The following KLF12 variants were observed in gnomAD, a reference collection of about 807,000 sequenced individuals.
KLF12 encodes the protein KLF transcription factor 12, also known as Krueppel-like factor 12.
KLF12 carries 9 observed loss-of-function variants against 37.8 expected under a neutral mutation model. The ratio of observed to expected loss-of-function variants is 0.24; its 90% CI spans 0.14 to 0.42. The LOEUF (loss-of-function observed/expected upper bound fraction) is 0.42. Ranked by LOEUF, KLF12 falls within the 10% of genes least tolerant of loss-of-function variation. The pLI is 1.00. For synonymous variants in KLF12, 208 were observed against 202.1 expected, an observed-to-expected ratio of 1.03 and a Z score of -0.25; for missense variants, 411 against 516.0, an observed-to-expected ratio of 0.80 and a Z score of 1.97.
Position 73,805,610 on chromosome 13 carries a change from AAGGGAGGGAGGGAGGG to A in KLF12, c.806+7526_806+7541del, listed in dbSNP as rs1175434136. On this transcript the variant is annotated intron_variant, in intron 5 of 7. Coordinates refer to ENST00000377669, the MANE Select transcript of KLF12 (RefSeq NM_007249.5). ...GGGCAACAGAGGCACTGTCAGAAGGAAGGGAGGGAGGGAGGGAGGGAGGGAGGGAGGGAGGGAGGGA... is the reference window on the plus strand; with the variant it reads ...GGGCAACAGAGGCACTGTCAGAAGGAAGGGAGGGAGGGAGGGAGGGAGGGA... 3.9e-3 allele frequency among the ~76,000 whole-genome samples: 261 copies of A among 66,960 alleles called. 1 individual carries two copies. Among genetic ancestry groups the A allele is most frequent in the Middle Eastern group, 7.6e-3 (1 of 132 alleles). The allele number at this position is 66,960 out of a possible 152,430, so 43.9% of individuals were successfully genotyped here.
intron 2 of KLF12, among the ~76,000 whole-genome samples, chr13:73,946,215 T>C (rs952892591): frequency 6.6e-6 from 1 of 152,082 alleles, no homozygotes. Flanking sequence ...GAAGATGCCT[T>C]ATAAGGAAGG....
intron 7 of KLF12, among the ~76,000 whole-genome samples, chr13:73,710,823 C>T (rs1875341867): frequency 6.6e-6 from 1 of 151,522 alleles, no homozygotes; most frequent in African/African-American, 2.4e-5. Flanking sequence ...CACTTTAAAT[C>T]AAAAGCTATA....
At chr13:73,949,047 T>G (rs1196424632) in intron 2 of KLF12, among the ~76,000 whole-genome samples, 1 of 152,206 alleles carries the variant, frequency 6.6e-6, no homozygotes, top group Non-Finnish European at 1.5e-5. Flanking sequence ...AAGAGGTTGA[T>G]GCTGTATTAT....
chr13:74,176,641 G>C, the KLF12 span, among the ~76,000 whole-genome samples: 1 of 152,030 alleles, frequency 6.6e-6, no homozygotes, highest in African/African-American at 2.4e-5. Context: ...TTTTTTGTCT[G>C]CATTGAGACA....
intron 2 of KLF12, among the ~76,000 whole-genome samples, chr13:73,949,437 T>C (rs1342064143): frequency 6.6e-6 from 1 of 152,172 alleles, no homozygotes; most frequent in Non-Finnish European, 1.5e-5. Flanking sequence ...ATATTTTTTT[T>C]CCCTTTAAGT....
rs562131059 is a variant in KLF12, at chr13:73,918,232, TA to T, written c.123+25748del. Among the ~76,000 whole-genome samples the T allele has an allele frequency of 1.1e-4, 16 of 152,282 alleles. No homozygotes were observed. The South Asian group carries it at 3.3e-3, about 32-fold the overall frequency. On this transcript the variant is annotated intron_variant, in intron 3 of 7. Transcript: ENST00000377669. ...CAGACTTGGCAAACACAATTATAAG[TA>T]AAACTTAAAACATACTTTTTCTTTT...
chr13:73,827,612 T>C (rs927204630), intron 4 of KLF12, among the ~76,000 whole-genome samples: 1 of 152,176 alleles, frequency 6.6e-6, no homozygotes, highest in Non-Finnish European at 1.5e-5. Context: ...AGGCTGTATG[T>C]AGTGCAATGG....
At chr13:73,737,133 C>G (rs1014568510) in intron 6 of KLF12, among the ~76,000 whole-genome samples, 3 of 151,948 alleles carry the variant, frequency 2.0e-5, no homozygotes, top group Non-Finnish European at 4.4e-5. Context: ...AGCCTTGATT[C>G]AAAAAGCTAA....
chr13:74,136,780 T>TAA (rs58976692), upstream of KLF12, among the ~76,000 whole-genome samples: 3 of 143,528 alleles, frequency 2.1e-5, no homozygotes, highest in Admixed American at 7.0e-5. Context: ...CCTGTGTGGT[T>TAA]AAAAAAAAAA....
intron 1 of KLF12, among the ~76,000 whole-genome samples, chr13:74,086,712 C>T (rs1875330562): frequency 1.3e-5 from 2 of 151,118 alleles, no homozygotes; most frequent in African/African-American, 4.9e-5. Flanking sequence ...AGTGAAAAAT[C>T]TTTGTGTAAT....
chr13:73,811,432 T>C (rs9573299), intron 5 of KLF12, among the ~76,000 whole-genome samples: 51,093 of 151,872 alleles, frequency 0.34, 8,934 homozygotes, highest in East Asian at 0.63. Flanking sequence ...TCTTCATTTA[T>C]AAAATCAGAA....
chr13:73,868,609 T>A (rs1594191925), intron 3 of KLF12, among the ~76,000 whole-genome samples: 2 of 151,934 alleles, frequency 1.3e-5, no homozygotes, highest in Admixed American at 1.3e-4. Flanking sequence ...CAGGCTGGTC[T>A]CTCGAACTCC....
At position 73,845,848 on chromosome 13, in the gene KLF12, C is replaced by A. The variant is rs1884981752; in HGVS notation, c.649G>T (p.Asp217Tyr). 2.5e-6 allele frequency: 4 copies of A among 1,613,668 alleles called. No homozygotes were observed. Among genetic ancestry groups the A allele is most frequent in the Non-Finnish European group, 3.4e-6 (4 of 1,179,648 alleles). ...TTACCTTTGCCATGGCCTCTCCCATCCTCCAAAAGCGGCACGACAATAGTG... is the reference window on the plus strand; with the variant it reads ...TTACCTTTGCCATGGCCTCTCCCATACTCCAAAAGCGGCACGACAATAGTG... Residue 217 changes from aspartate to tyrosine, a missense_variant, in exon 4 of 8, where the codon GAT (aspartate) becomes TAT (tyrosine). Transcript: ENST00000377669.
In KLF12 at chr13:73,697,918, C is replaced by T. The variant is rs555159252; in HGVS notation, c.1028-2247G>A. 4.6e-5 allele frequency among the ~76,000 whole-genome samples: 7 copies of T among 152,056 alleles called. No individual in the cohort carries two copies. In the South Asian group the frequency reaches 6.2e-4, roughly 14 times the overall value. The stretch of plus-strand genomic sequence containing the variant: ...CAGTAATCCCAGCACTTTGGGAGGC[C>T]GAGGTGGGAGAATCACTTCAGGCCA... On this transcript the variant is annotated intron_variant, in intron 7 of 7. Transcript: ENST00000377669.
chr13:73,845,567 T>TA (rs1446366214), intron 4 of KLF12, among the ~76,000 whole-genome samples: 20 of 152,284 alleles, frequency 1.3e-4, no homozygotes, highest in African/African-American at 4.8e-4. Flanking sequence ...TTTGCAAACT[T>TA]AGATATCTGA....
intron 1 of KLF12, among the ~76,000 whole-genome samples, chr13:74,082,175 AAAAC>A (rs1443743757): frequency 6.6e-6 from 1 of 151,024 alleles, no homozygotes; most frequent in Non-Finnish European, 1.5e-5. Context: ...AAAAAAAAAA[AAAAC>A]AAAGTTAGCC....
the KLF12 span, among the ~76,000 whole-genome samples, chr13:74,299,192 G>A: frequency 6.6e-6 from 1 of 152,190 alleles, no homozygotes; most frequent in Non-Finnish European, 1.5e-5. Flanking sequence ...CTGGAATTGA[G>A]TGAATGAGAA....
At chr13:73,945,255 G>A (rs1890367814) in intron 2 of KLF12, among the ~76,000 whole-genome samples, 1 of 152,114 alleles carries the variant, frequency 6.6e-6, no homozygotes, top group Non-Finnish European at 1.5e-5. Flanking sequence ...GATCACCTGA[G>A]GTCAGGAGTT....
At chr13:73,859,568 A>G (rs1421826230) in intron 3 of KLF12, among the ~76,000 whole-genome samples, 2 of 152,236 alleles carry the variant, frequency 1.3e-5, no homozygotes, top group Non-Finnish European at 2.9e-5. Flanking sequence ...GTTGTAAGCT[A>G]CAACCCACTT....
Sources: allele counts gnomAD v4.1 joint callset (sites outside exome capture counted in the v4.1 genomes callset), GRCh38; gene constraint gnomAD v4.1.1; transcripts MANE v1.5; gene names NCBI Gene and HGNC (gene_info 2026-07-23, HGNC 2026-07-21).